The following PRH1 variants were observed in gnomAD, a reference collection of about 807,000 sequenced individuals.
PRH1 encodes salivary acidic proline-rich phosphoprotein 1/2.
PRH1 carries 7 observed loss-of-function variants against 7.9 expected under a neutral mutation model. That is an observed-to-expected ratio of 0.89 (90% CI 0.50 to 1.67). The LOEUF (loss-of-function observed/expected upper bound fraction) is 1.67. Among genes scored for constraint, PRH1 ranks in the 40% most tolerant of loss-of-function variants. The pLI is 0.00. For synonymous variants in PRH1, 45 were observed against 80.8 expected, an observed-to-expected ratio of 0.56 and a Z score of 2.38; for missense variants, 109 against 223.6, an observed-to-expected ratio of 0.49 and a Z score of 3.27.
chr12:11,143,919 G>C (rs975964300), intron 1 of PRH1, among the ~76,000 whole-genome samples: 5 of 152,230 alleles, frequency 3.3e-5, no homozygotes, highest in Admixed American at 1.3e-4. Context: ...GGAGTTGTCT[G>C]CACAGAGTCC....
At chr12:10,928,783 T>C (rs774998088) in intron 2 of PRH1, among the ~76,000 whole-genome samples, 4 of 152,156 alleles carry the variant, frequency 2.6e-5, no homozygotes, top group Non-Finnish European at 5.9e-5. Flanking sequence ...ACACACATCA[T>C]GAGAGATGGA....
intron 1 of PRH1, chr12:10,996,788 C>T: frequency 2.0e-6 from 1 of 493,164 alleles, no homozygotes; most frequent in Non-Finnish European, 3.4e-6. Context: ...TATATATATA[C>T]TTTTATATAA....
At chr12:11,142,577 T>C (rs923226096) in intron 1 of PRH1, among the ~76,000 whole-genome samples, 1 of 152,266 alleles carries the variant, frequency 6.6e-6, no homozygotes, top group African/African-American at 2.4e-5. Context: ...AAAGGTACTA[T>C]TGCAATTCGA....
chr12:11,038,257 C>G (rs111280766), intron 1 of PRH1, among the ~76,000 whole-genome samples: 5 of 151,590 alleles, frequency 3.3e-5, no homozygotes, highest in Admixed American at 6.6e-5. Flanking sequence ...AATAACACAA[C>G]AGAAACAGAA....
At chr12:11,046,703 T>C (rs1942912338) in intron 1 of PRH1, among the ~76,000 whole-genome samples, 1 of 152,184 alleles carries the variant, frequency 6.6e-6, no homozygotes, top group African/African-American at 2.4e-5. Flanking sequence ...ATAAAAAGTA[T>C]CTGTGGGAGG....
At chr12:11,114,988 G>A (rs1945691039) in intron 1 of PRH1, among the ~76,000 whole-genome samples, 1 of 152,030 alleles carries the variant, frequency 6.6e-6, no homozygotes, top group Non-Finnish European at 1.5e-5. Flanking sequence ...AAAGAAAGAA[G>A]AGCAGACCAC....
intron 2 of PRH1, chr12:10,909,193 C>A (rs1455053716): frequency 2.5e-6 from 4 of 1,613,654 alleles, no homozygotes; most frequent in Non-Finnish European, 3.4e-6. Flanking sequence ...CTTTTACTGA[C>A]CCAGTCAATG....
At chr12:10,988,050 T>A (rs1939739290) in intron 1 of PRH1, among the ~76,000 whole-genome samples, 1 of 152,158 alleles carries the variant, frequency 6.6e-6, no homozygotes, top group Admixed American at 6.5e-5. Context: ...GTTTTCAGAA[T>A]GAGAATGAAA....
intron 1 of PRH1, among the ~76,000 whole-genome samples, chr12:11,161,230 G>T (rs539901065): frequency 6.6e-6 from 1 of 152,258 alleles, no homozygotes; most frequent in South Asian, 2.1e-4. Context: ...AACTACATAG[G>T]GAAGGTTACT....
intron 2 of PRH1, among the ~76,000 whole-genome samples, chr12:10,945,587 G>A (rs1950473997): frequency 6.6e-6 from 1 of 152,296 alleles, no homozygotes; most frequent in Middle Eastern, 3.4e-3. Context: ...CGAGATCACA[G>A]GACCACAAGA....
At chr12:10,919,315 C>A (rs1035031902) in intron 2 of PRH1, among the ~76,000 whole-genome samples, 3 of 152,112 alleles carry the variant, frequency 2.0e-5, no homozygotes, top group Non-Finnish European at 4.4e-5. Context: ...ACTGGAGTTT[C>A]CTCATTCTTT....
chr12:11,073,645 G>C (rs1316000156), intron 1 of PRH1, among the ~76,000 whole-genome samples: 2 of 151,944 alleles, frequency 1.3e-5, no homozygotes, highest in Non-Finnish European at 2.9e-5. Context: ...GTTACAGAAT[G>C]AATGCAAAGA....
At chr12:11,111,674 G>A (rs1180796837) in intron 1 of PRH1, among the ~76,000 whole-genome samples, 2 of 152,176 alleles carry the variant, frequency 1.3e-5, no homozygotes, top group Non-Finnish European at 2.9e-5. Flanking sequence ...GAAATTTATA[G>A]CACTAAATGC....
At chr12:10,900,498 C>T (rs1247172823) in intron 2 of PRH1, among the ~76,000 whole-genome samples, 2 of 151,920 alleles carry the variant, frequency 1.3e-5, no homozygotes, top group East Asian at 1.9e-4. Flanking sequence ...GTGGGGACCT[C>T]CATGGCCAGA....
At chr12:11,118,723 G>A (rs1027200798), downstream of PRH1, among the ~76,000 whole-genome samples, 4 of 152,164 alleles carry the variant, frequency 2.6e-5, no homozygotes, top group South Asian at 2.1e-4. Context: ...GGCCGGGGGC[G>A]GTGGCTGACA....
intron 1 of PRH1, among the ~76,000 whole-genome samples, chr12:11,057,225 T>C (rs1038175209): frequency 1.3e-5 from 2 of 152,184 alleles, no homozygotes; most frequent in African/African-American, 4.8e-5. Context: ...AGGGAACTCC[T>C]GCTCTCAAGG....
rs1224235421 is a variant in PRH1, at chr12:11,106,614, TATTTA to T, written n.124-59431_124-59427del. Among the ~76,000 whole-genome samples the T allele has an allele frequency of 9.2e-5, 14 of 152,342 alleles. No individual in the cohort carries two copies. The South Asian group carries it at 2.7e-3, about 29-fold the overall frequency. ...ATGAATATTTGGTTTTATTTTTCTC[TATTTA>T]ATTTATTTTTGATTACTTAATGGTT... On this transcript the variant is annotated intron_variant and non_coding_transcript_variant, in intron 1 of 4. Transcript: ENST00000541977.
At chr12:10,900,959 C>T (rs1006228625) in intron 2 of PRH1, among the ~76,000 whole-genome samples, 2 of 152,206 alleles carry the variant, frequency 1.3e-5, no homozygotes, top group Admixed American at 1.3e-4. Context: ...CACAGCCAGG[C>T]AGAACTCTAG....
intron 2 of PRH1, among the ~76,000 whole-genome samples, chr12:10,952,357 G>A (rs562018079): frequency 1.1e-3 from 169 of 152,308 alleles, no homozygotes; most frequent in African/African-American, 3.4e-3. Flanking sequence ...GAGTCTTTAC[G>A]TGTGAAGAGC....
Sources: allele counts gnomAD v4.1 joint callset (sites outside exome capture counted in the v4.1 genomes callset), GRCh38; gene constraint gnomAD v4.1.1; transcripts MANE v1.5; gene names NCBI Gene and HGNC (gene_info 2026-07-23, HGNC 2026-07-21).